The following MGRN1 variants were observed in gnomAD, a reference collection of about 807,000 sequenced individuals.
MGRN1 encodes the protein mahogunin ring finger 1, also known as E3 ubiquitin-protein ligase MGRN1.
MGRN1 carries 29 observed loss-of-function variants against 69.2 expected under a neutral mutation model. That is an observed-to-expected ratio of 0.42 (90% CI 0.31 to 0.57). The LOEUF (loss-of-function observed/expected upper bound fraction) is 0.57. Ranked by LOEUF, MGRN1 falls within the 20% of genes least tolerant of loss-of-function variation. The probability of loss-of-function intolerance (pLI) is 0.15; values close to 1 mark genes in which losing one functional copy is unlikely to be tolerated. For synonymous variants in MGRN1, 470 were observed against 344.2 expected (o/e 1.37, Z -4.04); for missense variants, 998 against 796.2 (o/e 1.25, Z -3.05).
chr16:4,668,403 A>T, intron 8 of MGRN1, 91 bp downstream of exon 8: 1 of 1,350,358 alleles, frequency 7.4e-7, no homozygotes, highest in Non-Finnish European at 1.0e-6. Flanking sequence ...ACACACACTC[A>T]TACACACGCA....
At chr16:4,679,147 C>G (rs2079120276) in intron 11 of MGRN1, among the ~76,000 whole-genome samples, 1 of 152,198 alleles carries the variant, frequency 6.6e-6, no homozygotes, top group Non-Finnish European at 1.5e-5. Context: ...TGCGTGTGCT[C>G]AGGTTTTTGG....
intron 1 of MGRN1, among the ~76,000 whole-genome samples, chr16:4,627,513 C>T (rs1332381347): frequency 3.9e-5 from 6 of 152,246 alleles, no homozygotes; most frequent in South Asian, 4.1e-4. Context: ...TCTGGCCAGG[C>T]GCGGTGGCTC....
At chr16:4,652,616 G>A (rs2078433760) in intron 3 of MGRN1, 62 bp from the exon 4 acceptor site, 3 of 1,541,962 alleles carry the variant, frequency 1.9e-6, no homozygotes, top group Non-Finnish European at 2.6e-6. Context: ...TGGCAGGGGA[G>A]GAGGCAGCCT....
At chr16:4,641,000 C>T (rs1232701139) in intron 1 of MGRN1, among the ~76,000 whole-genome samples, 1 of 152,244 alleles carries the variant, frequency 6.6e-6, no homozygotes, top group African/African-American at 2.4e-5. Flanking sequence ...GCGCTGACCT[C>T]AGCAGGTGTG....
At chr16:4,665,225 C>T in intron 7 of MGRN1, 74 bp downstream of exon 7, 1 of 1,536,740 alleles carries the variant, frequency 6.5e-7, no homozygotes. Flanking sequence ...AGACGAGAAG[C>T]CTGAGCAGGG....
At chr16:4,650,209 A>G in intron 1 of MGRN1, 156 bp from the exon 2 acceptor site, 2 of 560,518 alleles carry the variant, frequency 3.6e-6, no homozygotes, top group East Asian at 3.3e-5. Context: ...AGGCTGAGGC[A>G]GAAGAATCGC....
Position 4,668,321 on chromosome 16 carries a change from T to G in MGRN1, c.726+9T>G, listed in dbSNP as rs1428241364. 1 of 1,613,666 alleles carries G rather than the reference T, an allele frequency of 6.2e-7. No homozygotes were observed. Among genetic ancestry groups the G allele is most frequent in the Non-Finnish European group, 8.5e-7 (1 of 1,179,852 alleles). On this transcript the variant is annotated intron_variant, in intron 8 of 16. Coordinates refer to ENST00000262370, the MANE Select transcript of MGRN1 (RefSeq NM_015246.4). Reference sequence around the variant, plus strand: ...TAAAGCAGAAGCAAATTGTAAGTCATCAGAGGAAATATGACGTGCTTGAAT... The same window carrying G: ...TAAAGCAGAAGCAAATTGTAAGTCAGCAGAGGAAATATGACGTGCTTGAAT...
At chr16:4,685,294 GA>G (rs1386487422) in intron 16 of MGRN1, among the ~76,000 whole-genome samples, 3 of 152,256 alleles carry the variant, frequency 2.0e-5, no homozygotes, top group African/African-American at 7.2e-5. Flanking sequence ...CCCTGTGGGG[GA>G]GCATCTCAGA....
intron 13 of MGRN1, among the ~76,000 whole-genome samples, chr16:4,682,125 G>A (rs963666973): frequency 1.2e-4 from 19 of 152,200 alleles, no homozygotes; most frequent in African/African-American, 4.6e-4. Context: ...ACTTCATTGG[G>A]GGGCTGGCCA....
chr16:4,666,208 G>T (rs1157041212), intron 7 of MGRN1, among the ~76,000 whole-genome samples: 1 of 151,972 alleles, frequency 6.6e-6, no homozygotes, highest in Non-Finnish European at 1.5e-5. Context: ...GCTCGCTGCA[G>T]CCTTGACCTC....
At chr16:4,642,501 T>TG (rs1377829789) in intron 1 of MGRN1, among the ~76,000 whole-genome samples, 7 of 151,078 alleles carry the variant, frequency 4.6e-5, no homozygotes, top group East Asian at 1.9e-4. Context: ...TGTGTGTGTG[T>TG]TTTTAGTAGA....
chr16:4,665,784 C>T (rs1340577584), intron 7 of MGRN1, among the ~76,000 whole-genome samples: 2 of 151,872 alleles, frequency 1.3e-5, no homozygotes, highest in South Asian at 2.1e-4. Context: ...ATTCTCCTGC[C>T]TCAGCCTCCA....
intron 16 of MGRN1, chr16:4,687,212 C>G (rs2079344065): frequency 1.0e-6 from 1 of 985,174 alleles, no homozygotes. Flanking sequence ...CCCCATCCCC[C>G]CCAAGAGGCG....
chr16:4,673,728 G>A, intron 10 of MGRN1, 71 bp downstream of exon 10: 1 of 1,555,182 alleles, frequency 6.4e-7, no homozygotes, highest in Non-Finnish European at 8.7e-7. Flanking sequence ...CGGTGGTCCT[G>A]GGATAGGGGG....
chr16:4,661,179 A>G (rs540956245), intron 5 of MGRN1, among the ~76,000 whole-genome samples: 3 of 149,106 alleles, frequency 2.0e-5, no homozygotes, highest in Non-Finnish European at 4.4e-5. Context: ...GAGTTTCTCT[A>G]TGTTGCGTAG....
At chr16:4,682,195 C>T (rs1415048637) in intron 13 of MGRN1, among the ~76,000 whole-genome samples, 1 of 152,222 alleles carries the variant, frequency 6.6e-6, no homozygotes, top group Non-Finnish European at 1.5e-5. Context: ...CTGACAGTGA[C>T]CCAGGCACAC....
rs1422362830 is a variant in MGRN1 at position 4,656,778 on chromosome 16, G to C, written c.444-468G>C. Among the ~76,000 whole-genome samples, 9 of 152,146 alleles carry C rather than the reference G, an allele frequency of 5.9e-5. No individual in the cohort carries two copies. In the East Asian group the frequency reaches 1.5e-3, roughly 26 times the overall value. On this transcript the variant is annotated intron_variant, in intron 4 of 16. Transcript: ENST00000262370. Reference sequence around the variant, plus strand: ...ACCTGTAATCCTAGCTACTTGGGAAGCTGAGGCAGGAGGATCACTTGAACT... The same window carrying C: ...ACCTGTAATCCTAGCTACTTGGGAACCTGAGGCAGGAGGATCACTTGAACT...
intron 5 of MGRN1, among the ~76,000 whole-genome samples, chr16:4,663,620 C>T (rs1596297318): frequency 6.6e-6 from 1 of 152,186 alleles, no homozygotes; most frequent in East Asian, 1.9e-4. Flanking sequence ...AGGCAGGGTC[C>T]CTGCCCTCTA....
chr16:4,637,212 C>T (rs766984761), intron 1 of MGRN1, among the ~76,000 whole-genome samples: 42 of 151,350 alleles, frequency 2.8e-4, no homozygotes, highest in Non-Finnish European at 5.5e-4. Context: ...GGCAGATCAC[C>T]TCAGGTCAGG....
Sources: allele counts gnomAD v4.1 joint callset (sites outside exome capture counted in the v4.1 genomes callset), GRCh38; gene constraint gnomAD v4.1.1; transcripts MANE v1.5; gene names NCBI Gene and HGNC (gene_info 2026-07-23, HGNC 2026-07-21).